The following ACTN1 variants were observed in gnomAD, a reference collection of about 807,000 sequenced individuals.
ACTN1 encodes the protein alpha-actinin-1.
In ACTN1, 30 loss-of-function variants were observed where a neutral mutation model predicts 119.6. That is an observed-to-expected ratio of 0.25 (90% CI 0.19 to 0.34). The LOEUF is 0.34. Among genes scored for constraint, ACTN1 ranks in the 10% least tolerant of loss-of-function variants. The pLI, the probability that ACTN1 is intolerant of heterozygous loss-of-function variation, is 1.00. For missense variants in ACTN1, 764 were observed against 1,223.4 expected (o/e 0.62, Z 5.60); for synonymous variants, 429 against 472.6 (o/e 0.91, Z 1.20).
intron 3 of ACTN1, among the ~76,000 whole-genome samples, chr14:68,920,667 A>G (rs992711266): frequency 1.8e-4 from 28 of 152,062 alleles, no homozygotes; most frequent in Admixed American, 1.0e-3. Context: ...TCCAGCCCAT[A>G]CACAAATCCT....
chr14:68,892,853 C>T (rs2032599409), intron 9 of ACTN1, among the ~76,000 whole-genome samples: 1 of 152,052 alleles, frequency 6.6e-6, no homozygotes, highest in Non-Finnish European at 1.5e-5. Context: ...GTGCACATGA[C>T]AATAGGAATA....
chr14:68,947,075 A>G (rs2035968582), intron 1 of ACTN1, among the ~76,000 whole-genome samples: 1 of 152,232 alleles, frequency 6.6e-6, no homozygotes, highest in Non-Finnish European at 1.5e-5. Flanking sequence ...GGGAAACGGC[A>G]TTTCCCAGAC....
intron 3 of ACTN1, among the ~76,000 whole-genome samples, chr14:68,919,240 T>A (rs902584907): frequency 6.6e-6 from 1 of 152,210 alleles, no homozygotes; most frequent in Non-Finnish European, 1.5e-5. Flanking sequence ...ACTTCTTACA[T>A]CCACAAGGTG....
In ACTN1 at chr14:68,885,549, CCTT is replaced by C; in HGVS notation, c.1258_1260del (p.Lys420del). On this transcript the variant is annotated inframe_deletion, in exon 12 of 22. Coordinates refer to ENST00000394419, the MANE Select transcript of ACTN1 (RefSeq NM_001130004.2). The surrounding 1 kb of genome is among the most constrained non-coding windows in gnomAD (Gnocchi z 5.6). The stretch of plus-strand genomic sequence containing the variant: ...TCCGAGAGGGTGGCGGTCTCATAGT[CCTT>C]CTGTCGCAGCATGGCCTCTTTGCCT... 4 of 1,613,836 alleles carry C rather than the reference CCTT, an allele frequency of 2.5e-6. No homozygotes were observed. The highest frequency in any genetic ancestry group is 3.4e-6 in the Non-Finnish European group (4 of 1,180,008).
rs188355785 is a variant in ACTN1 at position 68,967,938 on chromosome 14, A to G, written c.105+11014T>C. 2.0e-3 allele frequency among the ~76,000 whole-genome samples: 312 copies of G among 152,358 alleles called. 2 individuals are homozygous for G. Among genetic ancestry groups the G allele is most frequent in the African/African-American group, 7.2e-3 (301 of 41,586 alleles). On this transcript the variant is annotated intron_variant, in intron 1 of 21. Transcript: ENST00000394419. The stretch of plus-strand genomic sequence containing the variant: ...AGAGGCTGCTGAGCCATAAAATATA[A>G]ACTCATTTAGAAGCATTCCCAAATT...
rs148672944 is a variant in ACTN1, at chr14:68,956,266, G to A, written c.105+22686C>T. On this transcript the variant is annotated intron_variant, in intron 1 of 21. Coordinates refer to ENST00000394419, the MANE Select transcript of ACTN1 (RefSeq NM_001130004.2). The stretch of plus-strand genomic sequence containing the variant: ...GGATCGCTTAAGTCCAGGAGTTTGA[G>A]ACCCACCTGGGCAACATGGTGAGAC... Among the ~76,000 whole-genome samples, 127 of 152,288 alleles carry A rather than the reference G, an allele frequency of 8.3e-4. No individual in the cohort carries two copies. In the East Asian group the frequency reaches 0.021, roughly 25 times the overall value.
chr14:68,880,911 T>G lies in ACTN1; in HGVS notation c.2032A>C (p.Ile678Leu). The G allele has an allele frequency of 6.2e-7, 1 of 1,614,138 alleles. No homozygotes were observed. The highest frequency in any genetic ancestry group is 8.5e-7 in the Non-Finnish European group (1 of 1,179,994). ...TCAATCTTTGGCTTGTAGTTGACGA[T>G]GCTCTTCTCATACTGCCGCAGGTGG... ...LSHLRQYEKS[I>L]VNYKPKIDQL... is the part of the protein sequence containing the mutation. Residue 678 changes from isoleucine (I) to leucine (L), a missense_variant, in exon 17 of 22, where the codon ATC becomes CTC. Around this residue, in one of 4 missense-constraint regions of ACTN1, gnomAD observed 544 missense variants for 912.0 expected, o/e 0.60. Transcript: ENST00000394419. The surrounding 1 kb of genome is among the most constrained non-coding windows in gnomAD (Gnocchi z 4.6).
intron 1 of ACTN1, among the ~76,000 whole-genome samples, chr14:68,935,301 G>C (rs1201955730): frequency 6.6e-6 from 1 of 151,752 alleles, no homozygotes; most frequent in African/African-American, 2.4e-5. Flanking sequence ...TGGGATTACA[G>C]GCATGAGCTA....
intron 16 of ACTN1, among the ~76,000 whole-genome samples, chr14:68,881,955 T>TTA (rs58500225): frequency 9.7e-6 from 1 of 102,984 alleles, no homozygotes; most frequent in African/African-American, 4.4e-5. Context: ...TTTTTTTTTT[T>TTA]GACAGAGTCT....
In ACTN1 at chr14:68,882,957, A is replaced by T; in HGVS notation, c.1734T>A (p.Ile578=). 1.9e-6 allele frequency: 3 copies of T among 1,614,210 alleles called. No homozygotes were observed. Among genetic ancestry groups the T allele is most frequent in the Non-Finnish European group, 2.5e-6 (3 of 1,180,044 alleles). Residue 578 remains isoleucine (I), a synonymous_variant, in exon 15 of 22, where the codon ATT becomes ATA. Coordinates refer to ENST00000394419, the MANE Select transcript of ACTN1 (RefSeq NM_001130004.2). The surrounding 1 kb of genome is among the most constrained non-coding windows in gnomAD (Gnocchi z 4.5). ...CCATATTGACGTGGTAGGTCTGGAC[A>T]ATCTTGGACACCTCATTGTGGATGC... ...ILGIHNEVSK[I]VQTYHVNMAG...
intron 1 of ACTN1, among the ~76,000 whole-genome samples, chr14:68,943,933 T>C (rs975844254): frequency 6.6e-6 from 1 of 152,100 alleles, no homozygotes; most frequent in Non-Finnish European, 1.5e-5. Context: ...CCGTTCAGGC[T>C]GGGGAATGAT....
At position 68,882,396 on chromosome 14, in the gene ACTN1, C is replaced by T. The variant is rs2031625004; in HGVS notation, c.1953+62G>A. 6 of 1,553,252 alleles carry T rather than the reference C, an allele frequency of 3.9e-6. No homozygotes were observed. The Admixed American group carries it at 1.0e-4, about 27-fold the overall frequency. On this transcript the variant is annotated intron_variant, in intron 16 of 21. Transcript: ENST00000394419. This position sits in a 1 kb window ranked among gnomAD's most constrained non-coding sequence, Gnocchi z 4.5. ...CCAGGGAGACAGGCAGCCTGGCTGG[C>T]TAGGATAGTGTCGGGGGGGAGGGGT... is the stretch of plus-strand genomic sequence containing the variant.
Position 68,882,629 on chromosome 14 carries a change from T to C in ACTN1, c.1819-37A>G. ...ACAACAAGGCGACTTTCAGGATGGGTCAGCCATCTGTCCATGTGCCAGATG... is the reference window on the plus strand; with the variant it reads ...ACAACAAGGCGACTTTCAGGATGGGCCAGCCATCTGTCCATGTGCCAGATG... On this transcript the variant is annotated intron_variant, in intron 15 of 21. Coordinates refer to ENST00000394419, the MANE Select transcript of ACTN1 (RefSeq NM_001130004.2). This position sits in a 1 kb window ranked among gnomAD's most constrained non-coding sequence, Gnocchi z 4.5. The C allele has an allele frequency of 6.2e-7, 1 of 1,612,202 alleles. No homozygotes were observed. The highest frequency in any genetic ancestry group is 8.5e-7 in the Non-Finnish European group (1 of 1,178,790).
In ACTN1 at chr14:68,909,268, C is replaced by T. The variant is rs2033848424; in HGVS notation, c.594+50G>A. 6.3e-7 allele frequency: 1 copy of T among 1,583,276 alleles called. No homozygotes were observed. The highest frequency in any genetic ancestry group is 1.1e-5 in the South Asian group (1 of 90,338). ...AAGGGTCCTAGTCCTGCTCTTTTCC[C>T]ACCCCACCTGCCAGGGACCCAAAGC... On this transcript the variant is annotated intron_variant, in intron 6 of 21. Coordinates refer to ENST00000394419, the MANE Select transcript of ACTN1 (RefSeq NM_001130004.2). The surrounding 1 kb of genome is among the most constrained non-coding windows in gnomAD (Gnocchi z 4.1).
At position 68,909,920 on chromosome 14, in the gene ACTN1, G is replaced by A. The variant is rs201547909; in HGVS notation, c.515+35C>T. 6 of 1,593,440 alleles carry A rather than the reference G, an allele frequency of 3.8e-6. No homozygotes were observed. In the Admixed American group the frequency reaches 6.7e-5, roughly 18 times the overall value. On this transcript the variant is annotated intron_variant, in intron 5 of 21. Transcript: ENST00000394419. This position sits in a 1 kb window ranked among gnomAD's most constrained non-coding sequence, Gnocchi z 4.1. The stretch of plus-strand genomic sequence containing the variant: ...TGGGAGCTCCCGGGGGAGGCAGCCT[G>A]GTTCTGTGAGAGCCCCTCAGACCCC...
chr14:68,922,466 G>A (rs574488129), intron 2 of ACTN1, among the ~76,000 whole-genome samples: 3 of 152,340 alleles, frequency 2.0e-5, no homozygotes, highest in Admixed American at 2.0e-4. Context: ...CTGTCCGGGG[G>A]GAGATGGCAC....
At chr14:68,944,402 C>A (rs980341258) in intron 1 of ACTN1, among the ~76,000 whole-genome samples, 1 of 152,208 alleles carries the variant, frequency 6.6e-6, no homozygotes, top group Non-Finnish European at 1.5e-5. Context: ...GCCTCCCCTG[C>A]CAGACAGCTG....
chr14:68,944,541 G>A (rs1038926804), intron 1 of ACTN1, among the ~76,000 whole-genome samples: 2 of 152,210 alleles, frequency 1.3e-5, no homozygotes, highest in Non-Finnish European at 2.9e-5. Flanking sequence ...GTCTAATGGA[G>A]AAGACAAACA....
At chr14:68,892,464 G>A (rs2032571248) in intron 9 of ACTN1, among the ~76,000 whole-genome samples, 181 bp from the exon 10 acceptor site, 1 of 152,166 alleles carries the variant, frequency 6.6e-6, no homozygotes, top group Admixed American at 6.5e-5. Flanking sequence ...TGTTCCCTCT[G>A]AGAACCACAG....
Sources: allele counts gnomAD v4.1 joint callset (sites outside exome capture counted in the v4.1 genomes callset), GRCh38; gene constraint gnomAD v4.1.1; regional missense constraint gnomAD v4.1.1; non-coding constraint Gnocchi (gnomAD v3.1); transcripts MANE v1.5; gene names NCBI Gene and HGNC (gene_info 2026-07-23, HGNC 2026-07-21).